The following IFT80 variants were observed in gnomAD, a reference collection of about 807,000 sequenced individuals.
IFT80 encodes the protein intraflagellar transport protein 80 homolog.
In IFT80, 79 loss-of-function variants were observed where a neutral mutation model predicts 107.9. The ratio of observed to expected loss-of-function variants is 0.73; its 90% CI spans 0.61 to 0.88. The LOEUF is 0.88. Among genes scored for constraint, IFT80 ranks in the 40% least tolerant of loss-of-function variants. The pLI is 0.00. For missense variants in IFT80, 797 were observed against 914.2 expected, an observed-to-expected ratio of 0.87 and a Z score of 1.65; for synonymous variants, 299 against 300.9, an observed-to-expected ratio of 0.99 and a Z score of 0.07.
At chr3:160,351,580 T>TATGTATATATATATACACACA (rs1225051083) in intron 8 of IFT80, among the ~76,000 whole-genome samples, 10 of 107,446 alleles carry the variant, frequency 9.3e-5, no homozygotes, top group Non-Finnish European at 1.9e-4. Context: ...CACACATATA[T>TATGTATATATATATACACACA]TATATGTATA....
chr3:160,303,409 T>C (rs1559928407), intron 11 of IFT80, among the ~76,000 whole-genome samples: 1 of 152,184 alleles, frequency 6.6e-6, no homozygotes, highest in East Asian at 1.9e-4. Context: ...TAGAGAAAAC[T>C]AGTTTTCAAA....
At chr3:160,295,611 T>C (rs1025857955) in intron 12 of IFT80, among the ~76,000 whole-genome samples, 11 of 151,036 alleles carry the variant, frequency 7.3e-5, no homozygotes, top group Admixed American at 5.9e-4. Flanking sequence ...AAAAAAAAAG[T>C]TAAAAATAGA....
intron 6 of IFT80, among the ~76,000 whole-genome samples, chr3:160,360,253 T>C (rs1244231977): frequency 6.6e-6 from 1 of 152,124 alleles, no homozygotes; most frequent in Admixed American, 6.5e-5. Flanking sequence ...AGAAAGGGTA[T>C]CAGTGATTGA....
chr3:160,358,915 A>T (rs1364600972), intron 6 of IFT80, among the ~76,000 whole-genome samples: 4 of 152,154 alleles, frequency 2.6e-5, no homozygotes, highest in Non-Finnish European at 5.9e-5. Flanking sequence ...CATACCTACC[A>T]CAGTGCCTGG....
chr3:160,372,324 C>T lies in IFT80; in HGVS notation c.439+3488G>A, dbSNP rs114230805. On this transcript the variant is annotated intron_variant, in intron 5 of 19. Transcript: ENST00000326448. ...GTCTTGCACCCCCAGCTGCCTTGGC[C>T]TTCTTACTTGAGCCTTTAGCATCCA... Among the ~76,000 whole-genome samples, 766 of 152,258 alleles carry T rather than the reference C, an allele frequency of 5.0e-3. 6 individuals are homozygous for T. Among genetic ancestry groups the T allele is most frequent in the African/African-American group, 0.018 (737 of 41,548 alleles).
At chr3:160,390,192 C>T (rs1335656874) in intron 1 of IFT80, among the ~76,000 whole-genome samples, 3 of 151,812 alleles carry the variant, frequency 2.0e-5, no homozygotes, top group Non-Finnish European at 4.4e-5. Context: ...CCGAGGCGGG[C>T]GGATCAGCTG....
intron 7 of IFT80, among the ~76,000 whole-genome samples, chr3:160,357,274 T>C (rs1391821402): frequency 1.3e-5 from 2 of 152,172 alleles, no homozygotes; most frequent in African/African-American, 4.8e-5. Flanking sequence ...TAATTTTTTT[T>C]TGTAGAGGTA....
chr3:160,314,292 A>C, intron 9 of IFT80, among the ~76,000 whole-genome samples: 1 of 152,174 alleles, frequency 6.6e-6, no homozygotes, highest in Non-Finnish European at 1.5e-5. Flanking sequence ...AGAGAAACAA[A>C]GGTAACTTTG....
At chr3:160,349,320 G>A (rs1720508611) in intron 8 of IFT80, among the ~76,000 whole-genome samples, 1 of 151,942 alleles carries the variant, frequency 6.6e-6, no homozygotes, top group African/African-American at 2.4e-5. Flanking sequence ...ACTGTGGCAG[G>A]TGCCTGTAAT....
In IFT80 at chr3:160,322,438, T is replaced by A. The variant is rs1475899422; in HGVS notation, c.778-2499A>T. On this transcript the variant is annotated intron_variant, in intron 8 of 19. Coordinates refer to ENST00000326448, the MANE Select transcript of IFT80 (RefSeq NM_020800.3). ...ATTTTCTTAATCCAGTCTATCATTG[T>A]TGGACATTTGGGTTGGTTCCAAGTC... 2.6e-5 allele frequency among the ~76,000 whole-genome samples: 4 copies of A among 152,008 alleles called. No homozygotes were observed. In the East Asian group the frequency reaches 5.8e-4, roughly 22 times the overall value.
At chr3:160,381,438 C>G in intron 3 of IFT80, 65 bp downstream of exon 3, 1 of 1,217,372 alleles carries the variant, frequency 8.2e-7, no homozygotes, top group Non-Finnish European at 1.2e-6. Flanking sequence ...CAACTCAAAG[C>G]ATAAATCATA....
In IFT80 at chr3:160,258,242, T is replaced by A. The variant is rs1712511266; in HGVS notation, c.*283A>T. 1 of 400,060 alleles carries A rather than the reference T, an allele frequency of 2.5e-6. No homozygotes were observed. The highest frequency in any genetic ancestry group is 4.5e-6 in the Non-Finnish European group (1 of 221,880). 24.8% of individuals were successfully genotyped at this position (400,060 alleles called of 1,614,324 possible). A position where few individuals can be genotyped will look rare whatever the true frequency, so the allele number is the denominator to read the frequency against. On this transcript the variant is annotated 3_prime_UTR_variant, in exon 20 of 20. Transcript: ENST00000326448. ...TTTGTTCATGCTGAAGATTTAGGGA[T>A]GAAGTAATGGGCAAAAAACTGACAT...
chr3:160,303,845 T>G, intron 11 of IFT80, 70 bp downstream of exon 11: 1 of 966,710 alleles, frequency 1.0e-6, no homozygotes. Flanking sequence ...TAATTGGATG[T>G]TTTTATTAAA....
chr3:160,312,076 C>T lies in IFT80; in HGVS notation c.958-4295G>A, dbSNP rs560601360. Among the ~76,000 whole-genome samples, 25 of 152,256 alleles carry T rather than the reference C, an allele frequency of 1.6e-4. No homozygotes were observed. The East Asian group carries it at 4.8e-3, about 29-fold the overall frequency. ...GATTACAGGCATGAGCTACAGCGCC[C>T]GGCCAGTAGTCAGCTGTTGTTAATT... On this transcript the variant is annotated intron_variant, in intron 9 of 19. Coordinates refer to ENST00000326448, the MANE Select transcript of IFT80 (RefSeq NM_020800.3).
chr3:160,278,682 A>T (rs1004269570), intron 16 of IFT80, among the ~76,000 whole-genome samples: 4 of 152,164 alleles, frequency 2.6e-5, no homozygotes, highest in African/African-American at 9.7e-5. Context: ...ACCCATTGTT[A>T]AAAAAAGCAT....
At chr3:160,394,020 C>T (rs1351864218) in intron 1 of IFT80, 1 of 152,194 alleles carries the variant, frequency 6.6e-6, no homozygotes, top group Non-Finnish European at 1.5e-5. Flanking sequence ...GACCAGACTC[C>T]TGTGTCTCTT....
At chr3:160,285,661 G>T in intron 13 of IFT80, 143 bp downstream of exon 13, 2 of 610,964 alleles carry the variant, frequency 3.3e-6, no homozygotes, top group South Asian at 2.2e-5. Context: ...ACATCTTTAG[G>T]CAAAATAGTC....
At chr3:160,327,572 G>A (rs1212984483) in intron 8 of IFT80, among the ~76,000 whole-genome samples, 1 of 152,122 alleles carries the variant, frequency 6.6e-6, no homozygotes, top group South Asian at 2.1e-4. Context: ...AACAAGCAAT[G>A]AGGAAAGGAG....
chr3:160,330,231 A>C (rs183857273), intron 8 of IFT80, among the ~76,000 whole-genome samples: 2 of 152,328 alleles, frequency 1.3e-5, no homozygotes, highest in East Asian at 3.9e-4. Context: ...AATTAAATCC[A>C]GAATCTCCTG....
Sources: allele counts gnomAD v4.1 joint callset (sites outside exome capture counted in the v4.1 genomes callset), GRCh38; gene constraint gnomAD v4.1.1; transcripts MANE v1.5; gene names NCBI Gene and HGNC (gene_info 2026-07-23, HGNC 2026-07-21).